WDR49: variants seen among roughly 807,000 people sequenced by gnomAD.
The protein encoded by WDR49 is cilia- and flagella-associated protein 337.
Under a neutral mutation model 119.5 loss-of-function variants are expected in WDR49, and 107 were observed. That is an observed-to-expected ratio of 0.90 (90% confidence interval 0.77 to 1.05). The LOEUF is 1.05. Ranked by LOEUF, WDR49 falls within the 50% of genes least tolerant of loss-of-function variation. WDR49 has a pLI of 0.00. For synonymous variants in WDR49, 425 were observed against 418.8 expected, an observed-to-expected ratio of 1.01 and a Z score of -0.18; for missense variants, 1,240 against 1,220.5, an observed-to-expected ratio of 1.02 and a Z score of -0.24.
chr3:167,601,264 G>T (rs1208418718), intron 7 of WDR49, among the ~76,000 whole-genome samples: 2 of 152,184 alleles, frequency 1.3e-5, no homozygotes, highest in African/African-American at 4.8e-5. Context: ...AAGTTTGGTA[G>T]AATTTATGGT....
chr3:167,599,742 ATC>A (rs1188439626), intron 7 of WDR49, among the ~76,000 whole-genome samples: 1 of 151,450 alleles, frequency 6.6e-6, no homozygotes, highest in East Asian at 2.0e-4. Flanking sequence ...CTATCTGGCT[ATC>A]TCTGCTGTTT....
At chr3:167,541,999 G>A (rs1344415523) in intron 10 of WDR49, among the ~76,000 whole-genome samples, 2 of 151,754 alleles carry the variant, frequency 1.3e-5, no homozygotes, top group Non-Finnish European at 2.9e-5. Context: ...ACTCCACCCT[G>A]GGCAACAGAG....
Position 167,576,168 on chromosome 3 carries a change from A to G in WDR49, c.1276-17T>C. 2 of 1,603,788 alleles carry G rather than the reference A, an allele frequency of 1.2e-6. No individual in the cohort carries two copies. The highest frequency in any genetic ancestry group is 1.7e-6 in the Non-Finnish European group (2 of 1,172,972). ...TCTCAAAACCTGGATGAAAAGTGAT[A>G]AAATCATTTCAATATGTCAAAGATA... On this transcript the variant is annotated splice_polypyrimidine_tract_variant and intron_variant, in intron 7 of 18. Coordinates refer to ENST00000682715, the MANE Select transcript of WDR49 (RefSeq NM_001366157.1).
At chr3:167,504,041 G>C (rs1166831705) in intron 17 of WDR49, among the ~76,000 whole-genome samples, 1 of 152,180 alleles carries the variant, frequency 6.6e-6, no homozygotes, top group East Asian at 1.9e-4. Context: ...CACCTTCCCA[G>C]CTAGGCTTAG....
chr3:167,487,300 T>C (rs1750963134), intron 18 of WDR49, among the ~76,000 whole-genome samples: 1 of 152,272 alleles, frequency 6.6e-6, no homozygotes, highest in South Asian at 2.1e-4. Flanking sequence ...GTTCAATAAA[T>C]GGTGCTGAGA....
intron 17 of WDR49, among the ~76,000 whole-genome samples, chr3:167,501,310 C>T (rs1751556355): frequency 6.6e-6 from 1 of 152,154 alleles, no homozygotes; most frequent in Non-Finnish European, 1.5e-5. Context: ...ATTTGTGTCT[C>T]AGTTCATATA....
chr3:167,653,192 T>A (rs914384162), intron 2 of WDR49, 69 bp downstream of exon 2: 38 of 1,481,418 alleles, frequency 2.6e-5, no homozygotes, highest in Admixed American at 4.1e-5. Flanking sequence ...AAGAAAAATA[T>A]CTCTGTGTTT....
chr3:167,520,290 T>A (rs1270400039), intron 16 of WDR49, among the ~76,000 whole-genome samples: 1 of 151,552 alleles, frequency 6.6e-6, no homozygotes, highest in African/African-American at 2.4e-5. Context: ...TCATAAGGAA[T>A]GGGAAATTAG....
intron 8 of WDR49, among the ~76,000 whole-genome samples, chr3:167,563,348 T>C (rs1339168822): frequency 9.0e-6 from 1 of 110,880 alleles, no homozygotes; most frequent in East Asian, 2.4e-4. Flanking sequence ...AGCGAGATTC[T>C]GAATCAAAAA....
At chr3:167,520,891 T>C (rs1367343292) in intron 16 of WDR49, among the ~76,000 whole-genome samples, 1 of 151,466 alleles carries the variant, frequency 6.6e-6, no homozygotes, top group Non-Finnish European at 1.5e-5. Flanking sequence ...TCAGAGAGAG[T>C]CTTATGTGTG....
At chr3:167,544,673 A>G (rs997648444) in intron 10 of WDR49, among the ~76,000 whole-genome samples, 1 of 151,966 alleles carries the variant, frequency 6.6e-6, no homozygotes, top group African/African-American at 2.4e-5. Flanking sequence ...TTGCCTCTTA[A>G]CTTACACAAA....
chr3:167,592,265 CTA>C (rs1715153851), intron 7 of WDR49, among the ~76,000 whole-genome samples: 1 of 151,986 alleles, frequency 6.6e-6, no homozygotes, highest in African/African-American at 2.4e-5. Context: ...ATTGTACTGT[CTA>C]TGTCTTGAAA....
chr3:167,645,615 C>A (rs1559931084), intron 2 of WDR49, among the ~76,000 whole-genome samples: 1 of 152,088 alleles, frequency 6.6e-6, no homozygotes, highest in African/African-American at 2.4e-5. Flanking sequence ...TGCTTCTTCT[C>A]CTTCTACTTC....
intron 7 of WDR49, among the ~76,000 whole-genome samples, chr3:167,586,644 A>G (rs1714830361): frequency 6.6e-6 from 1 of 152,214 alleles, no homozygotes; most frequent in Non-Finnish European, 1.5e-5. Context: ...TTTGACAGCA[A>G]TAAAGCAGAG....
chr3:167,500,518 G>A (rs1189997597), intron 17 of WDR49, among the ~76,000 whole-genome samples: 1 of 152,038 alleles, frequency 6.6e-6, no homozygotes, highest in Non-Finnish European at 1.5e-5. Flanking sequence ...GGAACTCAAG[G>A]CTTCCCATTC....
intron 2 of WDR49, among the ~76,000 whole-genome samples, chr3:167,632,548 T>C (rs1393021619): frequency 5.9e-5 from 9 of 152,086 alleles, no homozygotes; most frequent in Admixed American, 3.9e-4. Flanking sequence ...AGTTAAAATC[T>C]AGTAGTTTGT....
At chr3:167,614,454 T>G (rs1716502554) in intron 5 of WDR49, among the ~76,000 whole-genome samples, 1 of 152,190 alleles carries the variant, frequency 6.6e-6, no homozygotes. Context: ...TGATACTGTC[T>G]ATATGAGGAG....
At chr3:167,604,635 A>G (rs1415573147) in intron 5 of WDR49, among the ~76,000 whole-genome samples, 167 bp from the exon 6 acceptor site, 1 of 152,170 alleles carries the variant, frequency 6.6e-6, no homozygotes, top group Non-Finnish European at 1.5e-5. Flanking sequence ...ACCTCCCACA[A>G]AAGAATTCCA....
chr3:167,594,683 ACTCT>A (rs1715319390), intron 7 of WDR49, among the ~76,000 whole-genome samples: 1 of 152,034 alleles, frequency 6.6e-6, no homozygotes, highest in African/African-American at 2.4e-5. Flanking sequence ...CATGCTAAAA[ACTCT>A]CAATAAAGTA....
Sources: allele counts gnomAD v4.1 joint callset (sites outside exome capture counted in the v4.1 genomes callset), GRCh38; gene constraint gnomAD v4.1.1; transcripts MANE v1.5; gene names NCBI Gene and HGNC (gene_info 2026-07-23, HGNC 2026-07-21).